Variants in STX12 observed in about 807,000 individuals in gnomAD.
The protein encoded by STX12 is syntaxin 12, also known as syntaxin-12.
In STX12, 17 loss-of-function variants were observed where a neutral mutation model predicts 42.2. That is an observed-to-expected ratio of 0.40 (90% CI 0.28 to 0.60). The LOEUF (loss-of-function observed/expected upper bound fraction) is 0.60, where lower values mean the gene tolerates loss of function less well. Among genes scored for constraint, STX12 ranks in the 20% least tolerant of loss-of-function variants. STX12 has a pLI of 0.39. For synonymous variants in STX12, 108 were observed against 116.7 expected (o/e 0.93, Z 0.48); for missense variants, 297 against 330.9 (o/e 0.90, Z 0.79).
intron 8 of STX12, among the ~76,000 whole-genome samples, chr1:27,820,631 C>G (rs542286525): frequency 8.7e-4 from 132 of 152,242 alleles, no homozygotes; most frequent in South Asian, 2.5e-3. Context: ...CCTCAGGGAT[C>G]TAGAACTAGA....
Position 27,801,713 on chromosome 1 carries a change from T to C in STX12, c.324T>C (p.Asn108=). The C allele has an allele frequency of 6.4e-7, 1 of 1,572,456 alleles. No individual in the cohort carries two copies. Among genetic ancestry groups the C allele is most frequent in the Non-Finnish European group, 8.6e-7 (1 of 1,165,196 alleles). The part of the protein sequence containing the change: ...QQRLQKERLM[N]DFSAALNNFQ... The stretch of plus-strand genomic sequence containing the variant: ...GACTTCAGAAGGAACGCCTCATGAA[T>C]GACTTCTCTGCAGCCTTAAACAATT... Residue 108 remains asparagine (N), a synonymous_variant, in exon 4 of 9, where the codon AAT becomes AAC. Transcript: ENST00000373943.
At chr1:27,794,825 G>T (rs1364362864) in intron 3 of STX12, among the ~76,000 whole-genome samples, 1 of 151,998 alleles carries the variant, frequency 6.6e-6, no homozygotes, top group Non-Finnish European at 1.5e-5. Flanking sequence ...GGGCTCAAGG[G>T]ATCCTCCCAA....
intron 8 of STX12, among the ~76,000 whole-genome samples, chr1:27,821,691 G>A (rs2088985608): frequency 6.6e-6 from 1 of 152,058 alleles, no homozygotes; most frequent in Non-Finnish European, 1.5e-5. Flanking sequence ...TTGCAAAATT[G>A]TATGTGGGGA....
intron 1 of STX12, among the ~76,000 whole-genome samples, chr1:27,787,572 T>C (rs2088708046): frequency 6.6e-6 from 1 of 151,934 alleles, no homozygotes; most frequent in African/African-American, 2.4e-5. Context: ...GGCAGGAGAA[T>C]TGGTTGAGCC....
chr1:27,803,952 G>T (rs1278896109), intron 4 of STX12, among the ~76,000 whole-genome samples: 1 of 152,042 alleles, frequency 6.6e-6, no homozygotes, highest in African/African-American at 2.4e-5. Flanking sequence ...AGTGAGCTGA[G>T]ATTGTGCCCC....
chr1:27,794,614 A>T (rs1013257316), intron 3 of STX12, among the ~76,000 whole-genome samples: 1 of 152,108 alleles, frequency 6.6e-6, no homozygotes, highest in Non-Finnish European at 1.5e-5. Flanking sequence ...TTCATGATCT[A>T]CCTCAGGTCT....
At chr1:27,789,762 G>C in intron 2 of STX12, 131 bp downstream of exon 2, 1 of 630,498 alleles carries the variant, frequency 1.6e-6, no homozygotes, top group Admixed American at 3.0e-5. Context: ...GATAAGAGCT[G>C]GATCTAAAAG....
chr1:27,797,506 A>C (rs2088795375), intron 3 of STX12, among the ~76,000 whole-genome samples: 1 of 152,024 alleles, frequency 6.6e-6, no homozygotes, highest in Non-Finnish European at 1.5e-5. Context: ...ATATCCTCCT[A>C]AGAGTGGGCA....
chr1:27,809,249 G>A (rs902355995), intron 4 of STX12, among the ~76,000 whole-genome samples: 4 of 151,586 alleles, frequency 2.6e-5, no homozygotes, highest in East Asian at 2.0e-4. Flanking sequence ...CAGAAGAATC[G>A]CTTGAACCTG....
At chr1:27,787,658 C>CA (rs74312775) in intron 1 of STX12, among the ~76,000 whole-genome samples, 7,753 of 137,272 alleles carry the variant, frequency 0.056, 418 homozygotes, top group East Asian at 0.26. Flanking sequence ...GACTCTGTAT[C>CA]AAAAAAAAAA....
intron 1 of STX12, among the ~76,000 whole-genome samples, chr1:27,775,683 T>C (rs933344266): frequency 6.6e-6 from 1 of 152,220 alleles, no homozygotes; most frequent in Non-Finnish European, 1.5e-5. Context: ...GGATTGGTGC[T>C]ATAGAAGACA....
intron 1 of STX12, among the ~76,000 whole-genome samples, chr1:27,774,797 T>A (rs1016594715): frequency 6.6e-6 from 1 of 152,190 alleles, no homozygotes; most frequent in Non-Finnish European, 1.5e-5. Flanking sequence ...ATCAGCTTGC[T>A]GAGTAGCAAG....
chr1:27,805,442 A>AT lies in STX12; in HGVS notation c.426+3635dup, dbSNP rs957490793. 3.5e-4 allele frequency among the ~76,000 whole-genome samples: 53 copies of AT among 152,036 alleles called. 1 individual carries two copies. Among genetic ancestry groups the AT allele is most frequent in the East Asian group, 7.7e-4 (4 of 5,176 alleles). On this transcript the variant is annotated intron_variant, in intron 4 of 8. Transcript: ENST00000373943. ...AGTAGCATTATTTTCATTTTTGCAA[A>AT]TTTTTTTTATTTTAATGTCTGGCTT...
At chr1:27,813,619 C>G (rs1325483861) in intron 6 of STX12, among the ~76,000 whole-genome samples, 2 of 152,148 alleles carry the variant, frequency 1.3e-5, no homozygotes, top group Non-Finnish European at 2.9e-5. Context: ...TGGTTCTGAA[C>G]TGTGAGTGCA....
At chr1:27,778,606 G>A (rs1379263251) in intron 1 of STX12, among the ~76,000 whole-genome samples, 3 of 151,602 alleles carry the variant, frequency 2.0e-5, no homozygotes, top group Non-Finnish European at 4.4e-5. Flanking sequence ...TAGGAGAATC[G>A]CCTGAACTGG....
At chr1:27,790,378 T>C (rs1472047207) in intron 2 of STX12, among the ~76,000 whole-genome samples, 6 of 152,196 alleles carry the variant, frequency 3.9e-5, no homozygotes, top group Non-Finnish European at 7.4e-5. Context: ...CTGGCTGGCG[T>C]GGCCAGCTTT....
At chr1:27,800,527 GTGTGTTT>G (rs1257094385) in intron 3 of STX12, among the ~76,000 whole-genome samples, 33 of 140,216 alleles carry the variant, frequency 2.4e-4, no homozygotes, top group African/African-American at 8.8e-4. Context: ...GTGTGTGTGT[GTGTGTTT>G]TGTTTTGTTT....
intron 1 of STX12, among the ~76,000 whole-genome samples, chr1:27,787,551 C>T (rs1159242958): frequency 1.3e-5 from 2 of 151,894 alleles, no homozygotes; most frequent in East Asian, 1.9e-4. Context: ...CCCAGCTACT[C>T]GGGAGGCTGA....
intron 2 of STX12, 131 bp from the exon 3 acceptor site, chr1:27,793,402 G>A (rs971890377): frequency 1.3e-5 from 9 of 670,548 alleles, no homozygotes; most frequent in African/African-American, 9.0e-5. Context: ...GTGAACCTGG[G>A]CATCTAGGGA....
Sources: gnomAD v4.1 joint callset for allele counts (sites outside exome capture counted in the v4.1 genomes callset) on GRCh38, gnomAD v4.1.1 for gene constraint, MANE v1.5 for transcripts, NCBI Gene and HGNC (gene_info 2026-07-23, HGNC 2026-07-21) for gene names.